The following FKTN variants were observed in gnomAD, a reference collection of about 807,000 sequenced individuals.
FKTN encodes fukutin.
Under a neutral mutation model 58.6 loss-of-function variants are expected in FKTN, and 47 were observed. The observed-to-expected ratio is 0.80, with a 90% CI of 0.63 to 1.02. The LOEUF (loss-of-function observed/expected upper bound fraction) is 1.02, where lower values mean the gene tolerates loss of function less well. Ranked by LOEUF, FKTN falls within the 50% of genes least tolerant of loss-of-function variation. The pLI, the probability that FKTN is intolerant of heterozygous loss-of-function variation, is 0.00. For missense variants in FKTN, 516 were observed against 537.3 expected (o/e 0.96, Z 0.39); for synonymous variants, 178 against 191.9 (o/e 0.93, Z 0.60).
chr9:105,577,706 A>G (rs1842011055), intron 3 of FKTN, among the ~76,000 whole-genome samples: 1 of 151,240 alleles, frequency 6.6e-6, no homozygotes, highest in African/African-American at 2.5e-5. Flanking sequence ...TTCTGTGAAG[A>G]AAGTCATTGG....
intron 1 of FKTN, among the ~76,000 whole-genome samples, chr9:105,572,362 A>C (rs1300166277): frequency 6.6e-6 from 1 of 152,154 alleles, no homozygotes; most frequent in African/African-American, 2.4e-5. Flanking sequence ...GCCCTATTCT[A>C]TCTGAAATTA....
chr9:105,589,708 G>A (rs1361496871), intron 3 of FKTN, among the ~76,000 whole-genome samples: 2 of 152,084 alleles, frequency 1.3e-5, no homozygotes, highest in East Asian at 1.9e-4. Flanking sequence ...TGGTGTTGTA[G>A]GATGAGGAGT....
intron 3 of FKTN, among the ~76,000 whole-genome samples, chr9:105,575,426 A>G (rs940289825): frequency 6.6e-6 from 1 of 152,206 alleles, no homozygotes; most frequent in Non-Finnish European, 1.5e-5. Context: ...CTCAATGATA[A>G]ATAATTTTGA....
chr9:105,590,825 C>T (rs1844733693), intron 3 of FKTN, among the ~76,000 whole-genome samples: 1 of 152,144 alleles, frequency 6.6e-6, no homozygotes, highest in Non-Finnish European at 1.5e-5. Context: ...TTAATTGGCT[C>T]ATGGTTCTGC....
In FKTN at chr9:105,596,541, G is replaced by T. The variant is rs541363235; in HGVS notation, c.106-57G>T. 8.4e-6 allele frequency: 9 copies of T among 1,071,198 alleles called. No individual in the cohort carries two copies. The South Asian group carries it at 8.8e-5, about 10-fold the overall frequency. The allele number at this position is 1,071,198 out of a possible 1,614,324, so 66.4% of individuals were successfully genotyped here. A position where few individuals can be genotyped will look rare whatever the true frequency, so the allele number is the denominator to read the frequency against. On this transcript the variant is annotated intron_variant, in intron 3 of 10. Coordinates refer to ENST00000357998, the MANE Select transcript of FKTN (RefSeq NM_001079802.2). ...TTTGAATCTCATGCCTAACTGAAATGTAATGTTGCATGCTGGACTTTGAAT... is the reference window on the plus strand; with the variant it reads ...TTTGAATCTCATGCCTAACTGAAATTTAATGTTGCATGCTGGACTTTGAAT...
intron 2 of FKTN, 120 bp from the exon 3 acceptor site, chr9:105,574,825 A>G: frequency 1.8e-6 from 1 of 545,972 alleles, no homozygotes; most frequent in Non-Finnish European, 3.3e-6. Flanking sequence ...TAGCATAGAC[A>G]ATGACCAGAT....
At chr9:105,571,924 A>G (rs549340323) in intron 1 of FKTN, among the ~76,000 whole-genome samples, 16 of 152,328 alleles carry the variant, frequency 1.1e-4, no homozygotes, top group African/African-American at 3.1e-4. Context: ...ATTTTGGATT[A>G]GGGATGTTCA....
Position 105,574,961 on chromosome 9 carries a change from C to A in FKTN, c.-72C>A. ...TGTTCACAGAAAACAAAATTATCTT[C>A]CTTTCCAAATCCAAAAAGATGAAAA... On this transcript the variant is annotated 5_prime_UTR_variant, in exon 3 of 11. Coordinates refer to ENST00000357998, the MANE Select transcript of FKTN (RefSeq NM_001079802.2). 1.1e-6 allele frequency: 1 copy of A among 870,266 alleles called. No individual in the cohort carries two copies. Among genetic ancestry groups the A allele is most frequent in the Non-Finnish European group, 2.0e-6 (1 of 504,198 alleles). The allele number at this position is 870,266 out of a possible 1,614,324, so 53.9% of individuals were successfully genotyped here. A position where few individuals can be genotyped will look rare whatever the true frequency, so the allele number is the denominator to read the frequency against.
At chr9:105,618,556 T>C (rs1262008151) in intron 9 of FKTN, among the ~76,000 whole-genome samples, 2 of 152,166 alleles carry the variant, frequency 1.3e-5, no homozygotes, top group African/African-American at 2.4e-5. Context: ...GATAGAAATA[T>C]AGAATCATTT....
At chr9:105,571,410 T>C (rs181189129) in intron 1 of FKTN, among the ~76,000 whole-genome samples, 1 of 152,334 alleles carries the variant, frequency 6.6e-6, no homozygotes. Context: ...CTTTTGTGAC[T>C]GAATTGCCTT....
At chr9:105,605,328 G>A (rs555068571) in intron 6 of FKTN, among the ~76,000 whole-genome samples, 2 of 152,096 alleles carry the variant, frequency 1.3e-5, no homozygotes, top group South Asian at 2.1e-4. Context: ...AGAACAAATT[G>A]TGTGGTAAGA....
intron 10 of FKTN, among the ~76,000 whole-genome samples, chr9:105,630,623 T>A (rs949247703): frequency 4.6e-5 from 7 of 152,048 alleles, no homozygotes; most frequent in Admixed American, 6.6e-5. Flanking sequence ...CCAAAAAAAA[T>A]TTTTTAAGGG....
At chr9:105,630,472 T>C (rs1833280534) in intron 10 of FKTN, among the ~76,000 whole-genome samples, 1 of 152,130 alleles carries the variant, frequency 6.6e-6, no homozygotes, top group South Asian at 2.1e-4. Flanking sequence ...TACTAAAACC[T>C]AGAAAGTTTG....
chr9:105,589,198 T>G (rs1382986819), intron 3 of FKTN, among the ~76,000 whole-genome samples: 1 of 152,194 alleles, frequency 6.6e-6, no homozygotes, highest in Non-Finnish European at 1.5e-5. Flanking sequence ...TTTACATTCT[T>G]TCTGAAGAAG....
At chr9:105,584,589 G>T (rs1205902900) in intron 3 of FKTN, among the ~76,000 whole-genome samples, 1 of 152,122 alleles carries the variant, frequency 6.6e-6, no homozygotes, top group Non-Finnish European at 1.5e-5. Context: ...GGACACTGAG[G>T]TGTGCAGATT....
rs564299138 is a variant in FKTN at position 105,637,418 on chromosome 9, G to C, written c.*2154G>C. The C allele has an allele frequency of 1.6e-5, 16 of 985,336 alleles. No individual in the cohort carries two copies. In the East Asian group the frequency reaches 1.8e-3, roughly 112 times the overall value. The allele number at this position is 985,336 out of a possible 1,614,324, so 61.0% of individuals were successfully genotyped here. A position where few individuals can be genotyped will look rare whatever the true frequency, so the allele number is the denominator to read the frequency against. On this transcript the variant is annotated 3_prime_UTR_variant, in exon 11 of 11. Transcript: ENST00000357998. ...GCTGAAATACTTTTCTTGTCTTCTG[G>C]TTTCACAGGCTTCAGCTCATGGGTT...
chr9:105,574,826 A>G (rs1841379679), intron 2 of FKTN, 119 bp from the exon 3 acceptor site: 2 of 546,888 alleles, frequency 3.7e-6, no homozygotes, highest in Admixed American at 3.1e-5. Context: ...AGCATAGACA[A>G]TGACCAGATC....
At chr9:105,571,446 A>G (rs1346443629) in intron 1 of FKTN, among the ~76,000 whole-genome samples, 1 of 152,196 alleles carries the variant, frequency 6.6e-6, no homozygotes, top group African/African-American at 2.4e-5. Context: ...TAAATAATGA[A>G]GTTAATTGGA....
At chr9:105,581,282 C>T (rs895674001) in intron 3 of FKTN, among the ~76,000 whole-genome samples, 3 of 147,736 alleles carry the variant, frequency 2.0e-5, no homozygotes, top group African/African-American at 7.6e-5. Context: ...TCTGTTTTTT[C>T]CCCATCTTTG....
Sources: allele counts gnomAD v4.1 joint callset (sites outside exome capture counted in the v4.1 genomes callset), GRCh38; gene constraint gnomAD v4.1.1; transcripts MANE v1.5; gene names NCBI Gene and HGNC (gene_info 2026-07-23, HGNC 2026-07-21).